SLC9C1: variants seen among roughly 807,000 people sequenced by gnomAD.
SLC9C1 encodes solute carrier family 9 member C1.
Under a neutral mutation model 140.9 loss-of-function variants are expected in SLC9C1, and 97 were observed. The ratio of observed to expected loss-of-function variants is 0.69; its 90% CI spans 0.58 to 0.82. The LOEUF (loss-of-function observed/expected upper bound fraction) is 0.82. SLC9C1 is among the 40% of genes least tolerant of loss of function. The pLI is 0.00. For synonymous variants in SLC9C1, 440 were observed against 442.6 expected (o/e 0.99, Z 0.07); for missense variants, 1,340 against 1,389.3 (o/e 0.96, Z 0.56).
At chr3:112,154,622 C>A (rs2075077002) in intron 27 of SLC9C1, among the ~76,000 whole-genome samples, 1 of 152,144 alleles carries the variant, frequency 6.6e-6, no homozygotes, top group Non-Finnish European at 1.5e-5. Context: ...TTAAAGATCC[C>A]AAATGCATAG....
intron 13 of SLC9C1, among the ~76,000 whole-genome samples, chr3:112,227,454 G>A (rs927851776): frequency 6.6e-6 from 1 of 152,036 alleles, no homozygotes; most frequent in African/African-American, 2.4e-5. Context: ...ATCAACACAC[G>A]TAAGACATCA....
At chr3:112,281,491 C>A (rs1313282140) in intron 2 of SLC9C1, among the ~76,000 whole-genome samples, 1 of 152,112 alleles carries the variant, frequency 6.6e-6, no homozygotes, top group Non-Finnish European at 1.5e-5. Flanking sequence ...ATAGGATACA[C>A]CGATTTTTAA....
At chr3:112,228,464 T>C (rs2078738303) in intron 13 of SLC9C1, among the ~76,000 whole-genome samples, 1 of 152,034 alleles carries the variant, frequency 6.6e-6, no homozygotes, top group Non-Finnish European at 1.5e-5. Flanking sequence ...TTCAAGTCAT[T>C]GGACTGGGCA....
chr3:112,181,518 A>G (rs999266504), intron 21 of SLC9C1, among the ~76,000 whole-genome samples: 34 of 152,244 alleles, frequency 2.2e-4, no homozygotes, highest in African/African-American at 8.0e-4. Flanking sequence ...AGCATCCACT[A>G]TGCATTATGC....
At chr3:112,245,116 T>C (rs1380522397) in intron 10 of SLC9C1, among the ~76,000 whole-genome samples, 2 of 152,212 alleles carry the variant, frequency 1.3e-5, no homozygotes, top group South Asian at 2.1e-4. Context: ...AGCTAGTATT[T>C]TGATTTCTAC....
chr3:112,154,269 A>G (rs1177606796), intron 27 of SLC9C1, among the ~76,000 whole-genome samples: 1 of 152,186 alleles, frequency 6.6e-6, no homozygotes, highest in Non-Finnish European at 1.5e-5. Context: ...CTTGGCAGAG[A>G]CTAAAACTAA....
At chr3:112,202,859 C>G (rs4234410) in intron 17 of SLC9C1, among the ~76,000 whole-genome samples, 115,073 of 151,772 alleles carry the variant, frequency 0.76, 44,007 homozygotes, top group East Asian at 0.99. Flanking sequence ...TCACTTCTCT[C>G]TGTTTCTTTG....
chr3:112,240,960 G>C (rs985134012), intron 11 of SLC9C1, among the ~76,000 whole-genome samples: 1 of 151,884 alleles, frequency 6.6e-6, no homozygotes, highest in African/African-American at 2.4e-5. Flanking sequence ...GTAGAATGAT[G>C]GTTAACAGAG....
chr3:112,230,310 G>A (rs2078787175), intron 13 of SLC9C1, among the ~76,000 whole-genome samples: 1 of 152,160 alleles, frequency 6.6e-6, no homozygotes, highest in African/African-American at 2.4e-5. Flanking sequence ...AACCCAGGAT[G>A]ACTAGCTTGT....
At chr3:112,252,563 G>A (rs749925929) in intron 10 of SLC9C1, among the ~76,000 whole-genome samples, 2 of 152,100 alleles carry the variant, frequency 1.3e-5, no homozygotes, top group Non-Finnish European at 2.9e-5. Context: ...TCCTGATTTT[G>A]ATCCTTCTCA....
chr3:112,250,834 G>A (rs991835287), intron 10 of SLC9C1, among the ~76,000 whole-genome samples: 2 of 152,144 alleles, frequency 1.3e-5, no homozygotes, highest in African/African-American at 4.8e-5. Flanking sequence ...AAGCAGTTTG[G>A]TGACTTCTCA....
chr3:112,217,045 G>A (rs1384141023), intron 15 of SLC9C1, among the ~76,000 whole-genome samples: 2 of 152,180 alleles, frequency 1.3e-5, no homozygotes. Context: ...ATGAGTTCAT[G>A]TCCTTTGTAG....
intron 16 of SLC9C1, among the ~76,000 whole-genome samples, chr3:112,207,849 A>G (rs1465428334): frequency 6.6e-6 from 1 of 152,212 alleles, no homozygotes; most frequent in African/African-American, 2.4e-5. Context: ...ATATCTATCC[A>G]GTATAAAAAT....
intron 26 of SLC9C1, among the ~76,000 whole-genome samples, chr3:112,161,783 A>G (rs967798434): frequency 2.0e-5 from 3 of 151,716 alleles, no homozygotes; most frequent in South Asian, 2.1e-4. Flanking sequence ...TGAACTTTAA[A>G]GTAGTTTTTC....
At chr3:112,289,268 G>C (rs571711151) in intron 1 of SLC9C1, among the ~76,000 whole-genome samples, 7 of 152,270 alleles carry the variant, frequency 4.6e-5, no homozygotes, top group African/African-American at 1.7e-4. Flanking sequence ...GGAAACCATG[G>C]GGTATATCAG....
intron 23 of SLC9C1, among the ~76,000 whole-genome samples, chr3:112,173,858 C>T (rs962756852): frequency 1.3e-5 from 2 of 152,170 alleles, no homozygotes; most frequent in East Asian, 1.9e-4. Flanking sequence ...AAATTGCCAA[C>T]GTTCTTTCCA....
At chr3:112,237,990 T>C (rs372806956) in intron 12 of SLC9C1, among the ~76,000 whole-genome samples, 1 of 152,176 alleles carries the variant, frequency 6.6e-6, no homozygotes, top group Non-Finnish European at 1.5e-5. Context: ...TTTCCTGAAT[T>C]TGAATGTTGG....
intron 10 of SLC9C1, among the ~76,000 whole-genome samples, chr3:112,261,801 T>A (rs1365360763): frequency 6.6e-6 from 1 of 152,092 alleles, no homozygotes; most frequent in Non-Finnish European, 1.5e-5. Flanking sequence ...AAGTGTTTTA[T>A]GTACATTTTT....
chr3:112,241,244 T>G (rs1379291457), intron 11 of SLC9C1, among the ~76,000 whole-genome samples: 1 of 152,208 alleles, frequency 6.6e-6, no homozygotes, highest in Non-Finnish European at 1.5e-5. Context: ...CCCTATGATG[T>G]GCTTATTTCA....
Sources: gnomAD v4.1 joint callset for allele counts (sites outside exome capture counted in the v4.1 genomes callset) on GRCh38, gnomAD v4.1.1 for gene constraint, MANE v1.5 for transcripts, NCBI Gene and HGNC (gene_info 2026-07-23, HGNC 2026-07-21) for gene names.